Variants in ITGB1BP1 observed in about 807,000 individuals in gnomAD.
The protein encoded by ITGB1BP1 is integrin beta-1-binding protein 1.
Under a neutral mutation model 28.0 loss-of-function variants are expected in ITGB1BP1, and 20 were observed. That is an observed-to-expected ratio of 0.71 (90% CI 0.50 to 1.04). The LOEUF (loss-of-function observed/expected upper bound fraction) is 1.04. Ranked by LOEUF, ITGB1BP1 falls within the 50% of genes least tolerant of loss-of-function variation. ITGB1BP1 has a pLI of 0.00. For missense variants in ITGB1BP1, 228 were observed against 242.5 expected (o/e 0.94, Z 0.40); for synonymous variants, 103 against 89.5 (o/e 1.15, Z -0.85).
chr2:9,412,490 G>A, intron 3 of ITGB1BP1, 85 bp from the exon 4 acceptor site: 1 of 1,129,036 alleles, frequency 8.9e-7, no homozygotes, highest in Non-Finnish European at 1.3e-6. Context: ...ATAAAAACCA[G>A]ACTGTCATTA....
intron 1 of ITGB1BP1, chr2:9,420,051 A>G: frequency 1.0e-6 from 1 of 984,746 alleles, no homozygotes; most frequent in Non-Finnish European, 1.2e-6. Flanking sequence ...CTGCACAGAG[A>G]GTTTCCTTTC....
Position 9,412,381 on chromosome 2 carries a change from G to T in ITGB1BP1, c.176C>A (p.Thr59Asn). The stretch of plus-strand genomic sequence containing the variant: ...ATATTTTATTCGAAATTCTGCACAG[G>T]TATCTGAATTATTGTTGCTTTGTCC... ...SSGQSNNNSD[T>N]CAEFRIKYVG... The change falls in exon 4 of 7, where the codon ACC becomes AAC. Residue 59 changes from threonine (T) to asparagine (N), a missense_variant. This residue lies in a region of ITGB1BP1 where 192 missense variants were observed against 181.6 expected (regional missense o/e 1.06). Transcript: ENST00000355346. 6.2e-7 allele frequency: 1 copy of T among 1,607,484 alleles called. No homozygotes were observed. The highest frequency in any genetic ancestry group is 1.7e-5 in the Admixed American group (1 of 58,346).
chr2:9,417,031 C>A (rs1489075095), intron 2 of ITGB1BP1, among the ~76,000 whole-genome samples: 2 of 152,138 alleles, frequency 1.3e-5, no homozygotes, highest in Non-Finnish European at 2.9e-5. Flanking sequence ...AAGCCCCCAT[C>A]ATCTCTCAGG....
intron 4 of ITGB1BP1, among the ~76,000 whole-genome samples, chr2:9,408,767 C>T (rs775827134): frequency 2.0e-5 from 3 of 152,254 alleles, no homozygotes; most frequent in Non-Finnish European, 2.9e-5. Flanking sequence ...GCATGAGCCA[C>T]TGTGCCCAGC....
In ITGB1BP1 at chr2:9,423,392, C is replaced by T. The variant is rs2148927040; in HGVS notation, c.-55G>A. The T allele has an allele frequency of 2.6e-6, 3 of 1,141,436 alleles. No individual in the cohort carries two copies. The South Asian group carries it at 5.1e-5, about 19-fold the overall frequency. 70.7% of individuals were successfully genotyped at this position (1,141,436 alleles called of 1,614,324 possible). A position where few individuals can be genotyped will look rare whatever the true frequency, so the allele number is the denominator to read the frequency against. On this transcript the variant is annotated 5_prime_UTR_variant, in exon 1 of 7. Coordinates refer to ENST00000355346, the MANE Select transcript of ITGB1BP1 (RefSeq NM_004763.5). Reference sequence around the variant, plus strand: ...GCTCACCTCGCAGCCGCGGGCCCATCCCCGGGTTGCGGACTTCGGGGTCCG... The same window carrying T: ...GCTCACCTCGCAGCCGCGGGCCCATTCCCGGGTTGCGGACTTCGGGGTCCG...
intron 4 of ITGB1BP1, among the ~76,000 whole-genome samples, chr2:9,411,648 G>A (rs552961884): frequency 2.0e-5 from 3 of 151,968 alleles, no homozygotes; most frequent in South Asian, 2.1e-4. Context: ...GCTTAAACCC[G>A]GAAGGCAGAG....
chr2:9,412,244 G>C (rs771872162), intron 4 of ITGB1BP1, 25 bp downstream of exon 4: 3 of 1,582,898 alleles, frequency 1.9e-6, no homozygotes, highest in Non-Finnish European at 1.7e-6. Context: ...CATAACCAGA[G>C]AGTTACGGAA....
chr2:9,413,536 GCCAGGCTAGTCTCAAACT>G (rs1033369808), intron 3 of ITGB1BP1, among the ~76,000 whole-genome samples: 17 of 152,050 alleles, frequency 1.1e-4, no homozygotes, highest in Non-Finnish European at 1.6e-4. Context: ...CACCATGTTG[GCCAGGCTAGTCTCAAACT>G]CCTGACCTCA....
rs1677517076 is a variant in ITGB1BP1, at chr2:9,407,025, C to A, written c.532-120G>T. On this transcript the variant is annotated intron_variant, in intron 6 of 6. Transcript: ENST00000355346. ...ACCTCTCCTAAGCAAGCCGACCACA[C>A]ATGCCTGCCTGGGTCAGTGGAACCC... 16 of 752,734 alleles carry A rather than the reference C, an allele frequency of 2.1e-5. No individual in the cohort carries two copies. In the South Asian group the frequency reaches 2.4e-4, roughly 11 times the overall value. The allele number at this position is 752,734 out of a possible 1,614,324, so 46.6% of individuals were successfully genotyped here.
Position 9,423,528 on chromosome 2 carries a change from T to G in ITGB1BP1, c.-191A>C. ...CCGCCGGGCCGCGCCTCCAAGACTA[T>G]GCGCAGGCGCAGTCCTGACGTCCTA... is the stretch of plus-strand genomic sequence containing the variant. On this transcript the variant is annotated 5_prime_UTR_variant, in exon 1 of 7. Transcript: ENST00000355346. The G allele has an allele frequency of 8.5e-7, 1 of 1,178,258 alleles. No homozygotes were observed. The highest frequency in any genetic ancestry group is 1.8e-5 in the South Asian group (1 of 55,626). The allele number at this position is 1,178,258 out of a possible 1,614,324, so 73.0% of individuals were successfully genotyped here. A position where few individuals can be genotyped will look rare whatever the true frequency, so the allele number is the denominator to read the frequency against.
At chr2:9,407,701 C>T in intron 5 of ITGB1BP1, 103 bp from the exon 6 acceptor site, 1 of 1,315,830 alleles carries the variant, frequency 7.6e-7, no homozygotes, top group Non-Finnish European at 1.1e-6. Flanking sequence ...ACAGCATATC[C>T]ATAGGTTTCT....
chr2:9,414,433 CA>C (rs531717626), intron 2 of ITGB1BP1, among the ~76,000 whole-genome samples, 177 bp from the exon 3 acceptor site: 3,455 of 148,862 alleles, frequency 0.023, 57 homozygotes, highest in Non-Finnish European at 0.038. Context: ...TAACAAACTT[CA>C]AAAAAAAAAC....
chr2:9,413,009 C>T (rs1678646852), intron 3 of ITGB1BP1, among the ~76,000 whole-genome samples: 2 of 152,214 alleles, frequency 1.3e-5, no homozygotes, highest in Non-Finnish European at 2.9e-5. Context: ...AACGTAACAG[C>T]AACGGTTGAA....
At position 9,414,211 on chromosome 2, in the gene ITGB1BP1, C is replaced by T. The variant is rs1420115904; in HGVS notation, c.118G>A (p.Ala40Thr). ...LGGLSRSSTV[A>T]SLDTDSTKSS... ...TTGGTGGAATCTGTGTCGAGGCTGG[C>T]CACAGTGCTGGATCGTGAAAGACCC... Residue 40 changes from alanine to threonine, a missense_variant, in exon 3 of 7, where the codon GCC becomes ACC. Coordinates refer to ENST00000355346, the MANE Select transcript of ITGB1BP1 (RefSeq NM_004763.5). 6.2e-7 allele frequency: 1 copy of T among 1,614,062 alleles called. No homozygotes were observed.
At position 9,406,663 on chromosome 2, in the gene ITGB1BP1, CTG is replaced by C. The variant is rs1187249132; in HGVS notation, c.*169_*170del. On this transcript the variant is annotated 3_prime_UTR_variant, in exon 7 of 7. Transcript: ENST00000355346. ...GATGACTTCATTGAGAGTTAACTCA[CTG>C]TGTAATAGGACACATTTTAATAAAC... The C allele has an allele frequency of 4.9e-6, 3 of 607,496 alleles. No individual in the cohort carries two copies. The highest frequency in any genetic ancestry group is 8.9e-6 in the Non-Finnish European group (3 of 337,426). 37.6% of individuals were successfully genotyped at this position (607,496 alleles called of 1,614,324 possible). A position where few individuals can be genotyped will look rare whatever the true frequency, so the allele number is the denominator to read the frequency against.
At chr2:9,423,151 G>A in intron 1 of ITGB1BP1, 1 of 1,011,700 alleles carries the variant, frequency 9.9e-7, no homozygotes, top group South Asian at 3.2e-5. Context: ...TCGGGAAGCT[G>A]CAGTCCGCAA....
intron 1 of ITGB1BP1, 85 bp downstream of exon 1, chr2:9,423,288 T>C: frequency 1.6e-6 from 2 of 1,217,786 alleles, no homozygotes; most frequent in South Asian, 2.7e-5. Context: ...CCATCCTTCC[T>C]GGCCGTCCGC....
chr2:9,418,578 C>T, intron 2 of ITGB1BP1, 48 bp downstream of exon 2: 8 of 1,314,852 alleles, frequency 6.1e-6, no homozygotes, highest in South Asian at 5.9e-5. Flanking sequence ...CTAGAAGAAA[C>T]AAAACTCTCC....
intron 3 of ITGB1BP1, among the ~76,000 whole-genome samples, 158 bp downstream of exon 3, chr2:9,414,020 T>TC (rs1678803379): frequency 6.6e-6 from 1 of 152,188 alleles, no homozygotes; most frequent in Non-Finnish European, 1.5e-5. Flanking sequence ...TCAGCCCACG[T>TC]CCCGCCAAAT....
Sources: gnomAD v4.1 joint callset for allele counts (sites outside exome capture counted in the v4.1 genomes callset) on GRCh38, gnomAD v4.1.1 for gene constraint, gnomAD v4.1.1 regional missense constraint, MANE v1.5 for transcripts, NCBI Gene and HGNC (gene_info 2026-07-23, HGNC 2026-07-21) for gene names.